N4BP2L2: variants seen among roughly 807,000 people sequenced by gnomAD.
N4BP2L2 encodes NEDD4-binding protein 2-like 2.
N4BP2L2 carries 50 observed loss-of-function variants against 56.2 expected under a neutral mutation model. The ratio of observed to expected loss-of-function variants is 0.89; its 90% confidence interval spans 0.71 to 1.13. The LOEUF (loss-of-function observed/expected upper bound fraction) is 1.13. Among genes scored for constraint, N4BP2L2 ranks in the 50% most tolerant of loss-of-function variants. The pLI, the probability that N4BP2L2 is intolerant of heterozygous loss-of-function variation, is 0.00. For synonymous variants in N4BP2L2, 203 were observed against 223.6 expected, an observed-to-expected ratio of 0.91 and a Z score of 0.82; for missense variants, 689 against 693.8, an observed-to-expected ratio of 0.99 and a Z score of 0.08.
downstream of N4BP2L2, chr13:32,507,003 ATTAATT>A (rs2091064826): frequency 6.6e-6 from 1 of 152,080 alleles, no homozygotes; most frequent in Non-Finnish European, 1.5e-5. Context: ...TGACCTGGGT[ATTAATT>A]ATATAGATAC....
intron 3 of N4BP2L2, chr13:32,523,850 T>C (rs959994346): frequency 1.3e-5 from 2 of 151,824 alleles, no homozygotes; most frequent in Non-Finnish European, 2.9e-5. Flanking sequence ...AGACTACAAA[T>C]AGGATGCAGT....
At chr13:32,499,809 T>C (rs1199124810) in intron 6 of N4BP2L2, among the ~76,000 whole-genome samples, 1 of 152,190 alleles carries the variant, frequency 6.6e-6, no homozygotes, top group South Asian at 2.1e-4. Context: ...AGGAAGCTTA[T>C]AGTCCAATTC....
chr13:32,484,767 G>A (rs918598121), intron 6 of N4BP2L2, among the ~76,000 whole-genome samples: 120 of 152,284 alleles, frequency 7.9e-4, no homozygotes, highest in African/African-American at 1.5e-3. Flanking sequence ...AAACAGGTGT[G>A]AGCCACCATG....
At chr13:32,497,323 G>A (rs1462753433) in intron 6 of N4BP2L2, among the ~76,000 whole-genome samples, 3 of 152,256 alleles carry the variant, frequency 2.0e-5, no homozygotes, top group Non-Finnish European at 1.5e-5. Context: ...TGCATAGAAG[G>A]GATAAACCAG....
chr13:32,461,087 T>C (rs1355972341), intron 6 of N4BP2L2, among the ~76,000 whole-genome samples: 1 of 151,994 alleles, frequency 6.6e-6, no homozygotes, highest in Non-Finnish European at 1.5e-5. Flanking sequence ...TAGACCCCTA[T>C]AGAAAAGTCA....
chr13:32,433,931 C>CAAAAAAAAAAAAAAAAAAAAAA (rs60540916), intron 9 of N4BP2L2, among the ~76,000 whole-genome samples: 1 of 86,126 alleles, frequency 1.2e-5, no homozygotes, highest in Non-Finnish European at 2.2e-5. Context: ...GACCGTGTCT[C>CAAAAAAAAAAAAAAAAAAAAAA]AAAAAAAAAA....
intron 6 of N4BP2L2, among the ~76,000 whole-genome samples, chr13:32,484,083 A>T (rs533787971): frequency 6.6e-6 from 1 of 152,212 alleles, no homozygotes; most frequent in African/African-American, 2.4e-5. Context: ...GCCAAGGCAG[A>T]AGGAGTGCTT....
At chr13:32,474,154 T>C (rs1374158923) in intron 6 of N4BP2L2, among the ~76,000 whole-genome samples, 1 of 152,188 alleles carries the variant, frequency 6.6e-6, no homozygotes, top group African/African-American at 2.4e-5. Flanking sequence ...TTCAAATAGT[T>C]CTGCAAGTAA....
At chr13:32,482,215 A>T (rs980868857) in intron 6 of N4BP2L2, among the ~76,000 whole-genome samples, 1 of 152,254 alleles carries the variant, frequency 6.6e-6, no homozygotes, top group African/African-American at 2.4e-5. Context: ...TCTGTTAAAT[A>T]AATTTTTATT....
At chr13:32,491,999 C>T in intron 6 of N4BP2L2, among the ~76,000 whole-genome samples, 1 of 152,092 alleles carries the variant, frequency 6.6e-6, no homozygotes, top group Non-Finnish European at 1.5e-5. Flanking sequence ...AATTTGCATA[C>T]ATAGAAAAAA....
intron 6 of N4BP2L2, among the ~76,000 whole-genome samples, chr13:32,481,923 T>C (rs562806486): frequency 6.6e-6 from 1 of 152,318 alleles, no homozygotes; most frequent in African/African-American, 2.4e-5. Context: ...GTAATGAATT[T>C]TACAGTATTC....
At chr13:32,507,098 T>C (rs566050392), downstream of N4BP2L2, 7 of 152,168 alleles carry the variant, frequency 4.6e-5, no homozygotes, top group African/African-American at 1.4e-4. Context: ...GGTGGCAAAG[T>C]CCATAGAATC....
chr13:32,535,882 A>G (rs915989337), exon 2 of N4BP2L2: 10 of 1,614,046 alleles, frequency 6.2e-6, no homozygotes, highest in South Asian at 3.3e-5. Context: ...TGTCTGTTCC[A>G]TTATGCTTGT....
intron 6 of N4BP2L2, among the ~76,000 whole-genome samples, chr13:32,476,889 T>C (rs1049957056): frequency 3.3e-5 from 5 of 152,194 alleles, no homozygotes; most frequent in African/African-American, 1.2e-4. Context: ...GGCAGGACCA[T>C]GGGGCTCGAG....
At chr13:32,503,714 T>A (rs763997743) in intron 6 of N4BP2L2, among the ~76,000 whole-genome samples, 17 of 152,340 alleles carry the variant, frequency 1.1e-4, no homozygotes, top group Middle Eastern at 3.4e-3. Context: ...ATTACATTAA[T>A]AGATCGTAAG....
intron 6 of N4BP2L2, among the ~76,000 whole-genome samples, chr13:32,468,860 G>T (rs907508677): frequency 6.6e-6 from 1 of 152,232 alleles, no homozygotes; most frequent in Non-Finnish European, 1.5e-5. Context: ...CTTGTGCCCA[G>T]AGAGAGAAAA....
At chr13:32,532,098 T>C (rs1445071464) in intron 2 of N4BP2L2, among the ~76,000 whole-genome samples, 1 of 152,196 alleles carries the variant, frequency 6.6e-6, no homozygotes, top group East Asian at 1.9e-4. Flanking sequence ...AGCCTCCCCA[T>C]TGCAAGATCC....
At chr13:32,472,237 T>A (rs947628953) in intron 6 of N4BP2L2, among the ~76,000 whole-genome samples, 2 of 152,200 alleles carry the variant, frequency 1.3e-5, no homozygotes, top group Non-Finnish European at 2.9e-5. Flanking sequence ...TCTGCTCAAG[T>A]TTTTTATAAA....
exon 2 of N4BP2L2, chr13:32,536,672 G>C (rs1159765393): frequency 2.5e-6 from 4 of 1,613,906 alleles, no homozygotes. Context: ...TGCTTTACTT[G>C]TGCTATATAT....
Sources: allele counts gnomAD v4.1 joint callset (sites outside exome capture counted in the v4.1 genomes callset), GRCh38; gene constraint gnomAD v4.1.1; transcripts MANE v1.5; gene names NCBI Gene and HGNC (gene_info 2026-07-23, HGNC 2026-07-21).